The following RALGPS1 variants were observed in gnomAD, a reference collection of about 807,000 sequenced individuals.
The protein encoded by RALGPS1 is Ral GEF with PH domain and SH3 binding motif 1.
RALGPS1 carries 19 observed loss-of-function variants against 78.8 expected under a neutral mutation model. The observed-to-expected ratio is 0.24, with a 90% CI of 0.17 to 0.35. The LOEUF (loss-of-function observed/expected upper bound fraction) is 0.35, where lower values mean the gene tolerates loss of function less well. Ranked by LOEUF, RALGPS1 falls within the 10% of genes least tolerant of loss-of-function variation. The pLI is 1.00. For missense variants in RALGPS1, 454 were observed against 688.3 expected, an observed-to-expected ratio of 0.66 and a Z score of 3.81; for synonymous variants, 228 against 256.3, an observed-to-expected ratio of 0.89 and a Z score of 1.06.
rs781528806 is a variant in RALGPS1, at chr9:127,212,903, G to A, written c.1447-41G>A. The A allele has an allele frequency of 2.5e-6, 4 of 1,613,456 alleles. No homozygotes were observed. The highest frequency in any genetic ancestry group is 3.4e-6 in the Non-Finnish European group (4 of 1,179,722). Reference sequence around the variant, plus strand: ...GTCGGCCTCCCTTGTGGAGTGGAGGGCTGGGCCCCGGTCTCCGGATGTGTT... The same window carrying A: ...GTCGGCCTCCCTTGTGGAGTGGAGGACTGGGCCCCGGTCTCCGGATGTGTT... On this transcript the variant is annotated intron_variant, in intron 16 of 18. Coordinates refer to ENST00000259351, the MANE Select transcript of RALGPS1 (RefSeq NM_014636.3). The surrounding 1 kb of genome is among the most constrained non-coding windows in gnomAD (Gnocchi z 6.0).
At chr9:127,051,582 C>T (rs925517256) in intron 6 of RALGPS1, among the ~76,000 whole-genome samples, 1 of 152,204 alleles carries the variant, frequency 6.6e-6, no homozygotes, top group Middle Eastern at 3.2e-3. Flanking sequence ...TATTCTTACA[C>T]ACAGGAAACA....
At chr9:127,118,854 G>A (rs938176370) in intron 8 of RALGPS1, among the ~76,000 whole-genome samples, 1 of 152,220 alleles carries the variant, frequency 6.6e-6, no homozygotes, top group African/African-American at 2.4e-5. Flanking sequence ...TGGCAGGGCT[G>A]CTGTCTGTTA....
At chr9:127,002,448 C>CT (rs376846876) in intron 4 of RALGPS1, among the ~76,000 whole-genome samples, 26,862 of 126,924 alleles carry the variant, frequency 0.21, 3,127 homozygotes, top group East Asian at 0.5. Context: ...TTTTTTTTTT[C>CT]TTTTTTTTTT....
chr9:127,096,398 G>A (rs527833479), intron 8 of RALGPS1, among the ~76,000 whole-genome samples: 1 of 152,334 alleles, frequency 6.6e-6, no homozygotes, highest in South Asian at 2.1e-4. Context: ...TCCGGCAGAA[G>A]CCTGCAAAAT....
chr9:127,182,348 TCCTC>T (rs1341261830), intron 11 of RALGPS1, among the ~76,000 whole-genome samples: 42 of 133,518 alleles, frequency 3.1e-4, no homozygotes, highest in South Asian at 2.5e-3. Flanking sequence ...CTTCCTTCCT[TCCTC>T]CCTTCCTTCC....
At chr9:127,033,454 T>C (rs1002422416) in intron 4 of RALGPS1, among the ~76,000 whole-genome samples, 7 of 152,300 alleles carry the variant, frequency 4.6e-5, no homozygotes, top group Admixed American at 4.6e-4. Flanking sequence ...CTGATCTGTA[T>C]CTATTGTAGC....
At position 127,195,217 on chromosome 9, in the gene RALGPS1, A is replaced by G. The variant is rs1564769477; in HGVS notation, c.1037A>G (p.Asn346Ser). Residue 346 changes from asparagine (N) to serine (S), a missense_variant and splice_region_variant, in exon 12 of 19, where the codon AAT becomes AGT. Physicochemically the swap from Asn to Ser is conservative, Grantham distance 46 (BLOSUM62 1). Coordinates refer to ENST00000259351, the MANE Select transcript of RALGPS1 (RefSeq NM_014636.3). ...AGGAAGAGCCACAGCCTAGGCAACA[A>G]GTGGGTGACTGAGCAAGCCCTCCCG... The part of the protein sequence containing the change: ...RHRKSHSLGN[N>S]MMCQLSVVES... The G allele has an allele frequency of 6.2e-7, 1 of 1,609,424 alleles. No homozygotes were observed. Among genetic ancestry groups the G allele is most frequent in the Non-Finnish European group, 8.5e-7 (1 of 1,179,864 alleles).
intron 4 of RALGPS1, among the ~76,000 whole-genome samples, chr9:127,000,775 A>G (rs1489804649): frequency 6.6e-6 from 1 of 151,016 alleles, no homozygotes; most frequent in East Asian, 2.0e-4. Context: ...GCTGGTCTCA[A>G]ACTCCTGACC....
intron 4 of RALGPS1, among the ~76,000 whole-genome samples, chr9:127,015,664 C>G (rs1564420646): frequency 6.6e-6 from 1 of 152,144 alleles, no homozygotes; most frequent in Non-Finnish European, 1.5e-5. Flanking sequence ...CCTAGGTTGC[C>G]TCTTTGGTAT....
At chr9:127,202,987 C>A (rs1588539345) in intron 14 of RALGPS1, among the ~76,000 whole-genome samples, 1 of 152,268 alleles carries the variant, frequency 6.6e-6, no homozygotes, top group South Asian at 2.1e-4. Context: ...AACCTCGGGC[C>A]CCTTGGAAAC....
chr9:127,051,529 C>T (rs2048305385), intron 6 of RALGPS1, among the ~76,000 whole-genome samples: 1 of 152,106 alleles, frequency 6.6e-6, no homozygotes, highest in African/African-American at 2.4e-5. Flanking sequence ...ACAGGCATAA[C>T]AATGCAGATA....
chr9:127,080,701 C>T (rs1438716980), intron 8 of RALGPS1, among the ~76,000 whole-genome samples: 1 of 152,188 alleles, frequency 6.6e-6, no homozygotes, highest in Non-Finnish European at 1.5e-5. Flanking sequence ...AGCTGTGTCC[C>T]AACTGATAAA....
intron 4 of RALGPS1, among the ~76,000 whole-genome samples, chr9:127,000,534 C>CTTTTTTTTTT (rs1163116649): frequency 2.4e-4 from 8 of 33,338 alleles, no homozygotes; most frequent in Admixed American, 8.5e-4. Context: ...CTTGTCTTGT[C>CTTTTTTTTTT]TTTTTTTTTT....
chr9:127,051,671 G>A (rs1413052853), intron 6 of RALGPS1, among the ~76,000 whole-genome samples: 1 of 152,212 alleles, frequency 6.6e-6, no homozygotes, highest in African/African-American at 2.4e-5. Flanking sequence ...TAGGAACAGA[G>A]TTGTGAGGAC....
At chr9:127,181,668 G>T (rs1588392835) in intron 11 of RALGPS1, among the ~76,000 whole-genome samples, 1 of 152,110 alleles carries the variant, frequency 6.6e-6, no homozygotes, top group Non-Finnish European at 1.5e-5. Context: ...TTACAACCTA[G>T]TTGGGGTGCT....
At chr9:126,970,374 A>C (rs1034611996) in intron 3 of RALGPS1, among the ~76,000 whole-genome samples, 3 of 152,214 alleles carry the variant, frequency 2.0e-5, no homozygotes, top group Non-Finnish European at 4.4e-5. Flanking sequence ...AGTTGTCAAT[A>C]GGTATTTGCT....
chr9:127,203,591 T>TG (rs1305196892), intron 14 of RALGPS1, among the ~76,000 whole-genome samples: 1 of 149,844 alleles, frequency 6.7e-6, no homozygotes, highest in South Asian at 2.1e-4. Flanking sequence ...GGGGCAGGGT[T>TG]GGGGGGCACA....
At chr9:127,004,414 G>T (rs1423771253) in intron 4 of RALGPS1, among the ~76,000 whole-genome samples, 2 of 152,216 alleles carry the variant, frequency 1.3e-5, no homozygotes, top group African/African-American at 4.8e-5. Context: ...CCAAAGTGTT[G>T]GGATTATAGG....
intron 7 of RALGPS1, among the ~76,000 whole-genome samples, chr9:127,064,980 A>G (rs548449733): frequency 1.3e-4 from 19 of 151,470 alleles, no homozygotes; most frequent in Non-Finnish European, 1.8e-4. Flanking sequence ...GGGTCTTTCT[A>G]TTGCCCAGGC....
Sources: allele counts gnomAD v4.1 joint callset (sites outside exome capture counted in the v4.1 genomes callset), GRCh38; gene constraint gnomAD v4.1.1; non-coding constraint Gnocchi (gnomAD v3.1); transcripts MANE v1.5; gene names NCBI Gene and HGNC (gene_info 2026-07-23, HGNC 2026-07-21).